The following UTS2 variants were observed in gnomAD, a reference collection of about 807,000 sequenced individuals.
The protein encoded by UTS2 is urotensin 2, also known as urotensin-2.
UTS2 carries 10 observed loss-of-function variants against 12.6 expected under a neutral mutation model. That is an observed-to-expected ratio of 0.80 (90% CI 0.49 to 1.35). The LOEUF (loss-of-function observed/expected upper bound fraction) is 1.35, where lower values mean the gene tolerates loss of function less well. Ranked by LOEUF, UTS2 falls within the 40% of genes most tolerant of loss-of-function variation. The pLI is 0.00. For synonymous variants in UTS2, 52 were observed against 50.0 expected (o/e 1.04, Z -0.17); for missense variants, 142 against 143.2 (o/e 0.99, Z 0.04).
the UTS2 span, among the ~76,000 whole-genome samples, chr1:7,900,991 T>G: frequency 1.3e-5 from 2 of 152,316 alleles, no homozygotes; most frequent in South Asian, 4.1e-4. Context: ...GGTCTAAGTT[T>G]AATTTGACAA....
the UTS2 span, among the ~76,000 whole-genome samples, chr1:7,912,417 A>G: frequency 6.6e-6 from 1 of 151,902 alleles, no homozygotes; most frequent in Non-Finnish European, 1.5e-5. Flanking sequence ...CTGATTGGGA[A>G]CCTGGGCAGG....
At chr1:7,855,301 G>A (rs61016535), upstream of UTS2, among the ~76,000 whole-genome samples, 8,352 of 150,468 alleles carry the variant, frequency 0.056, 819 homozygotes, top group East Asian at 0.38. Context: ...TGAAAAAGCC[G>A]AGCAAGGCGC....
the UTS2 span, among the ~76,000 whole-genome samples, chr1:7,862,344 A>G: frequency 6.6e-6 from 1 of 152,000 alleles, no homozygotes; most frequent in Non-Finnish European, 1.5e-5. Flanking sequence ...GGGCCTGTCT[A>G]GGTCCATTTA....
chr1:7,866,574 A>T, the UTS2 span, among the ~76,000 whole-genome samples: 1 of 152,124 alleles, frequency 6.6e-6, no homozygotes, highest in Non-Finnish European at 1.5e-5. This position sits in a 1 kb window ranked among gnomAD's most constrained non-coding sequence, Gnocchi z 4.5. Context: ...CTCTTGAGTC[A>T]TACAGAACTC....
the UTS2 span, among the ~76,000 whole-genome samples, chr1:7,861,416 G>A: frequency 6.6e-6 from 1 of 152,054 alleles, no homozygotes; most frequent in South Asian, 2.1e-4. Context: ...AACAAAAGGG[G>A]GAAAAAGGTG....
the UTS2 span, among the ~76,000 whole-genome samples, chr1:7,911,865 C>T: frequency 1.4e-5 from 2 of 146,886 alleles, no homozygotes; most frequent in Non-Finnish European, 3.0e-5. Flanking sequence ...CGCGCCACTG[C>T]ACTCCAGCCT....
At chr1:7,901,803 C>T in the UTS2 span, among the ~76,000 whole-genome samples, 76 of 152,142 alleles carry the variant, frequency 5.0e-4, no homozygotes, top group African/African-American at 1.7e-3. Flanking sequence ...TTTGGAACAT[C>T]CTGGGTTTGA....
At chr1:7,897,376 A>C in the UTS2 span, among the ~76,000 whole-genome samples, 1 of 151,920 alleles carries the variant, frequency 6.6e-6, no homozygotes, top group Non-Finnish European at 1.5e-5. Flanking sequence ...GCTATTCTTC[A>C]CCCTTTGCTT....
At chr1:7,866,972 C>T in the UTS2 span, among the ~76,000 whole-genome samples, 3 of 152,256 alleles carry the variant, frequency 2.0e-5, no homozygotes, top group East Asian at 1.9e-4. The surrounding 1 kb of genome is among the most constrained non-coding windows in gnomAD (Gnocchi z 4.5). Context: ...TGGGTTCTAG[C>T]GATTCTCTTG....
intron 3 of UTS2, among the ~76,000 whole-genome samples, chr1:7,848,241 A>G (rs961437399): frequency 6.6e-6 from 1 of 152,072 alleles, no homozygotes; most frequent in Non-Finnish European, 1.5e-5. Context: ...TGAGCCTAAG[A>G]GTTTGAGACC....
the UTS2 span, among the ~76,000 whole-genome samples, chr1:7,870,156 C>T: frequency 3.3e-5 from 5 of 152,276 alleles, 1 homozygote; most frequent in South Asian, 6.2e-4. Context: ...GTCTAACCCC[C>T]GGTACCTTCA....
chr1:7,850,896 G>C lies in UTS2; in HGVS notation c.130C>G (p.Pro44Ala). The C allele has an allele frequency of 1.2e-6, 2 of 1,614,180 alleles. No homozygotes were observed. Among genetic ancestry groups the C allele is most frequent in the Non-Finnish European group, 1.7e-6 (2 of 1,180,026 alleles). ...SAPHEDARLTPEELERASLLQ... is the reference protein window; with the variant it reads ...SAPHEDARLTAEELERASLLQ... Reference sequence around the variant, plus strand: ...AGGGAAGCTCTTTCTAGCTCCTCCGGAGTTAAGCGCGCGTCTTCATGAGGT... The same window carrying C: ...AGGGAAGCTCTTTCTAGCTCCTCCGCAGTTAAGCGCGCGTCTTCATGAGGT... The change falls in exon 2 of 4, where the codon CCG becomes GCG. Residue 44 changes from proline (P) to alanine (A), a missense_variant. Pro to Ala is a conservative substitution (Grantham distance 27). Transcript: ENST00000361696.
At chr1:7,859,998 A>G in the UTS2 span, among the ~76,000 whole-genome samples, 1 of 65,172 alleles carries the variant, frequency 1.5e-5, no homozygotes, top group African/African-American at 4.6e-5. Context: ...GATCCTGTCT[A>G]AAAAAAAATG....
the UTS2 span, among the ~76,000 whole-genome samples, chr1:7,910,108 C>T: frequency 6.6e-6 from 1 of 152,086 alleles, no homozygotes; most frequent in Non-Finnish European, 1.5e-5. Context: ...GCCTCAGAAG[C>T]AAGTTTTTCT....
At chr1:7,849,517 G>T in intron 3 of UTS2, 123 bp downstream of exon 3, 1 of 907,854 alleles carries the variant, frequency 1.1e-6, no homozygotes, top group Non-Finnish European at 1.6e-6. Context: ...GGTCATGCTG[G>T]CCAATTATTT....
chr1:7,886,748 A>T, the UTS2 span, among the ~76,000 whole-genome samples: 26 of 152,234 alleles, frequency 1.7e-4, no homozygotes, highest in African/African-American at 6.3e-4. Flanking sequence ...GTCAGAAAAT[A>T]ATCAGAGGGG....
the UTS2 span, among the ~76,000 whole-genome samples, chr1:7,861,086 G>C: frequency 1.3e-5 from 2 of 151,122 alleles, no homozygotes; most frequent in African/African-American, 4.9e-5. Flanking sequence ...TCTGTGAAGA[G>C]GTCAGATCCC....
chr1:7,856,641 A>C (rs1039831836), upstream of UTS2, among the ~76,000 whole-genome samples: 1 of 39,518 alleles, frequency 2.5e-5, no homozygotes, highest in African/African-American at 1.1e-4. Context: ...GTCCTCTAAG[A>C]TGGAAAGTGC....
the UTS2 span, among the ~76,000 whole-genome samples, chr1:7,889,403 C>T: frequency 7.0e-6 from 1 of 143,596 alleles, no homozygotes; most frequent in African/African-American, 2.6e-5. Flanking sequence ...GATTGCACCA[C>T]TGAACTCTAG....
Sources: gnomAD v4.1 joint callset for allele counts (sites outside exome capture counted in the v4.1 genomes callset) on GRCh38, gnomAD v4.1.1 for gene constraint, Gnocchi (gnomAD v3.1) non-coding constraint, MANE v1.5 for transcripts, NCBI Gene and HGNC (gene_info 2026-07-23, HGNC 2026-07-21) for gene names.